The following STK10 variants were observed in gnomAD, a reference collection of about 807,000 sequenced individuals.
The protein encoded by STK10 is serine/threonine kinase 10.
In STK10, 78 loss-of-function variants were observed where a neutral mutation model predicts 113.8. The observed-to-expected ratio is 0.69, with a 90% CI of 0.57 to 0.83. The LOEUF (loss-of-function observed/expected upper bound fraction) is 0.83. STK10 is among the 40% of genes least tolerant of loss of function. The pLI, the probability that STK10 is intolerant of heterozygous loss-of-function variation, is 0.00. For synonymous variants in STK10, 465 were observed against 494.7 expected, an observed-to-expected ratio of 0.94 and a Z score of 0.80; for missense variants, 1,109 against 1,280.1, an observed-to-expected ratio of 0.87 and a Z score of 2.04.
At chr5:172,066,943 T>C (rs1768085316) in intron 12 of STK10, among the ~76,000 whole-genome samples, 1 of 152,084 alleles carries the variant, frequency 6.6e-6, no homozygotes. Flanking sequence ...CTGAAACCAC[T>C]ACCCACAGAA....
chr5:172,086,176 G>A (rs1377706913), intron 10 of STK10, among the ~76,000 whole-genome samples: 2 of 152,180 alleles, frequency 1.3e-5, no homozygotes, highest in Non-Finnish European at 2.9e-5. Flanking sequence ...AAGTGCCCAC[G>A]TGGCACATGA....
chr5:172,170,080 T>C (rs958307420), intron 1 of STK10, among the ~76,000 whole-genome samples: 3 of 152,080 alleles, frequency 2.0e-5, no homozygotes, highest in Non-Finnish European at 4.4e-5. Flanking sequence ...TGTTCACCAA[T>C]GTATCTATTA....
chr5:172,114,473 A>ATATATATATAT (rs1226289994), intron 4 of STK10: 2 of 47,540 alleles, frequency 4.2e-5, no homozygotes, highest in African/African-American at 2.8e-4. Context: ...ATATATATAT[A>ATATATATATAT]TTTTTTTTTT....
rs571885222 is a variant in STK10, at chr5:172,137,465, G to A, written c.322-10044C>T. On this transcript the variant is annotated intron_variant, in intron 2 of 18. Coordinates refer to ENST00000176763, the MANE Select transcript of STK10 (RefSeq NM_005990.4). ...ATGAAAGGAGATAAAAAAAAACTAC[G>A]TGATCATCTCAGTTAAAGCAGAAAA... 8.6e-5 allele frequency among the ~76,000 whole-genome samples: 13 copies of A among 152,024 alleles called. No individual in the cohort carries two copies. In the East Asian group the frequency reaches 2.1e-3, roughly 25 times the overall value.
chr5:172,144,940 A>C (rs954882959), intron 2 of STK10, among the ~76,000 whole-genome samples: 3 of 152,104 alleles, frequency 2.0e-5, no homozygotes, highest in African/African-American at 7.2e-5. Flanking sequence ...GATGGAACCA[A>C]GGCGACTCAA....
chr5:172,062,621 T>G (rs1767959864), intron 13 of STK10, among the ~76,000 whole-genome samples: 1 of 152,244 alleles, frequency 6.6e-6, no homozygotes, highest in Non-Finnish European at 1.5e-5. Flanking sequence ...TTGAGGACAT[T>G]ACGCTAAGTG....
At chr5:172,186,692 T>A (rs1478395410) in intron 1 of STK10, among the ~76,000 whole-genome samples, 2 of 152,168 alleles carry the variant, frequency 1.3e-5, no homozygotes, top group Non-Finnish European at 2.9e-5. Context: ...TCAAACCTAT[T>A]TGCTTAGGAA....
At chr5:172,171,739 T>C (rs1372070741) in intron 1 of STK10, among the ~76,000 whole-genome samples, 1 of 151,330 alleles carries the variant, frequency 6.6e-6, no homozygotes, top group Non-Finnish European at 1.5e-5. Context: ...ATGAATAGAA[T>C]AGAATAGAAT....
Position 172,187,518 on chromosome 5 carries a change from C to G in STK10, c.156+369G>C, listed in dbSNP as rs948937494. ...CTTAAAAAAAAAAGTGTGCCCGTAT[C>G]GCCGTTTTACGGAACGTCCCTGGAA... On this transcript the variant is annotated intron_variant, in intron 1 of 18. Coordinates refer to ENST00000176763, the MANE Select transcript of STK10 (RefSeq NM_005990.4). This position sits in a 1 kb window ranked among gnomAD's most constrained non-coding sequence, Gnocchi z 4.6. 2.0e-5 allele frequency among the ~76,000 whole-genome samples: 3 copies of G among 152,186 alleles called. No homozygotes were observed. Among genetic ancestry groups the G allele is most frequent in the Admixed American group, 6.5e-5 (1 of 15,278 alleles).
intron 7 of STK10, 122 bp downstream of exon 7, chr5:172,105,534 T>C (rs1451361776): frequency 4.7e-6 from 5 of 1,068,992 alleles, no homozygotes; most frequent in Non-Finnish European, 6.9e-6. Flanking sequence ...TACCCGCTGA[T>C]GGACAAACAG....
At chr5:172,114,406 T>C (rs1187902992) in intron 4 of STK10, among the ~76,000 whole-genome samples, 1 of 144,406 alleles carries the variant, frequency 6.9e-6, no homozygotes, top group African/African-American at 2.6e-5. Context: ...ACTAAACATT[T>C]ACGGGTTTGC....
intron 9 of STK10, 126 bp from the exon 10 acceptor site, chr5:172,090,488 A>G (rs1425562966): frequency 1.7e-5 from 23 of 1,333,846 alleles, no homozygotes; most frequent in Middle Eastern, 2.3e-4. Context: ...AGATGTGGCC[A>G]TCCATCGTCC....
intron 14 of STK10, 26 bp downstream of exon 14, chr5:172,061,113 C>G: frequency 6.3e-7 from 1 of 1,590,602 alleles, no homozygotes; most frequent in Non-Finnish European, 8.5e-7. Context: ...TGGGCCAAGA[C>G]AGCGCTGCCA....
At chr5:172,163,989 A>G (rs777394440) in intron 1 of STK10, among the ~76,000 whole-genome samples, 119 of 152,188 alleles carry the variant, frequency 7.8e-4, no homozygotes, top group Non-Finnish European at 1.2e-3. Flanking sequence ...AGGCAGGTGG[A>G]TCACCTGAGG....
intron 2 of STK10, among the ~76,000 whole-genome samples, chr5:172,127,871 CT>C (rs1206859987): frequency 6.6e-6 from 1 of 152,238 alleles, no homozygotes; most frequent in African/African-American, 2.4e-5. Context: ...CTCTCTCCAT[CT>C]TCCAGAACCC....
rs199805538 is a variant in STK10 at position 172,085,721 on chromosome 5, A to AT, written c.1686-2638dup. Among the ~76,000 whole-genome samples, 1,396 of 151,952 alleles carry AT rather than the reference A, an allele frequency of 9.2e-3. 21 individuals carry two copies. Among genetic ancestry groups the AT allele is most frequent in the African/African-American group, 0.031 (1,299 of 41,420 alleles). On this transcript the variant is annotated intron_variant, in intron 10 of 18. Transcript: ENST00000176763. ...AAAAAAAGAGAGAGAAAATTGCTAC[A>AT]TATCATTCATATAATCGGAAAAAAA... is the stretch of plus-strand genomic sequence containing the variant.
intron 6 of STK10, among the ~76,000 whole-genome samples, 184 bp from the exon 7 acceptor site, chr5:172,105,921 C>A (rs757551442): frequency 6.6e-6 from 1 of 152,158 alleles, no homozygotes; most frequent in Non-Finnish European, 1.5e-5. Flanking sequence ...CAGATGGGGA[C>A]CCAGACATCG....
At chr5:172,048,829 G>A (rs190217580) in intron 18 of STK10, among the ~76,000 whole-genome samples, 21 of 151,436 alleles carry the variant, frequency 1.4e-4, no homozygotes, top group African/African-American at 4.9e-4. Flanking sequence ...CTTTACGCAG[G>A]CCCCCCACCC....
At chr5:172,171,622 G>C (rs958857701) in intron 1 of STK10, among the ~76,000 whole-genome samples, 4 of 152,020 alleles carry the variant, frequency 2.6e-5, no homozygotes, top group Non-Finnish European at 5.9e-5. Flanking sequence ...AGCTGAAGCA[G>C]GAGAATCACT....
Sources: allele counts gnomAD v4.1 joint callset (sites outside exome capture counted in the v4.1 genomes callset), GRCh38; gene constraint gnomAD v4.1.1; non-coding constraint Gnocchi (gnomAD v3.1); transcripts MANE v1.5; gene names NCBI Gene and HGNC (gene_info 2026-07-23, HGNC 2026-07-21).